Variants in TEX2 observed in about 807,000 individuals in gnomAD.
TEX2 encodes the protein testis-expressed protein 2.
TEX2 carries 53 observed loss-of-function variants against 106.9 expected under a neutral mutation model. The ratio of observed to expected loss-of-function variants is 0.50; its 90% CI spans 0.40 to 0.62. The LOEUF (loss-of-function observed/expected upper bound fraction) is 0.62. TEX2 is among the 20% of genes least tolerant of loss of function. The pLI, the probability that TEX2 is intolerant of heterozygous loss-of-function variation, is 0.00. For missense variants in TEX2, 1,207 were observed against 1,379.0 expected (o/e 0.88, Z 1.98); for synonymous variants, 523 against 534.8 (o/e 0.98, Z 0.30).
Position 64,174,067 on chromosome 17 carries a change from A to C in TEX2, c.2572-2868T>G, listed in dbSNP as rs183741916. Among the ~76,000 whole-genome samples, 14 of 152,044 alleles carry C rather than the reference A, an allele frequency of 9.2e-5. No homozygotes were observed. In the South Asian group the frequency reaches 2.5e-3, roughly 27 times the overall value. ...TTACTATGTTGCCTAGTCTGGTCTC[A>C]AACTACTGGGCTCAAGATTTCCTCC... is the stretch of plus-strand genomic sequence containing the variant. On this transcript the variant is annotated intron_variant, in intron 6 of 11. Coordinates refer to ENST00000584379, the MANE Select transcript of TEX2 (RefSeq NM_001288732.2).
intron 1 of TEX2, among the ~76,000 whole-genome samples, chr17:64,244,720 A>G (rs894704931): frequency 7.9e-5 from 12 of 152,224 alleles, no homozygotes; most frequent in Non-Finnish European, 1.2e-4. Flanking sequence ...TCCTGTAAGA[A>G]TAACACGTAC....
chr17:64,159,356 G>C (rs2030779765), intron 8 of TEX2, among the ~76,000 whole-genome samples: 1 of 152,068 alleles, frequency 6.6e-6, no homozygotes, highest in South Asian at 2.1e-4. Context: ...TCATTTTCTA[G>C]GCAGCTGGTT....
chr17:64,214,528 A>T (rs1555632370), intron 1 of TEX2, among the ~76,000 whole-genome samples: 1 of 152,170 alleles, frequency 6.6e-6, no homozygotes, highest in African/African-American at 2.4e-5. Flanking sequence ...TTAACTGGTT[A>T]ATTTCTACCA....
At chr17:64,226,747 AACC>A (rs2033515270) in intron 1 of TEX2, among the ~76,000 whole-genome samples, 1 of 152,224 alleles carries the variant, frequency 6.6e-6, no homozygotes, top group Non-Finnish European at 1.5e-5. Context: ...CAATGAGACA[AACC>A]CTCTCTTGCA....
intron 6 of TEX2, among the ~76,000 whole-genome samples, chr17:64,171,537 G>A (rs1246461767): frequency 6.6e-6 from 1 of 152,110 alleles, no homozygotes; most frequent in Non-Finnish European, 1.5e-5. Context: ...TTTTGGCTGA[G>A]GAGGTCAGGG....
At chr17:64,198,269 C>A (rs2032542673) in intron 2 of TEX2, among the ~76,000 whole-genome samples, 1 of 151,564 alleles carries the variant, frequency 6.6e-6, no homozygotes, top group South Asian at 2.1e-4. Context: ...ACACAGCTTT[C>A]TTCTTATTCA....
At position 64,148,167 on chromosome 17, in the gene TEX2, T is replaced by C. The variant is rs1053797037; in HGVS notation, c.*802A>G. The C allele has an allele frequency of 6.5e-6, 1 of 152,690 alleles. No homozygotes were observed. The highest frequency in any genetic ancestry group is 6.5e-5 in the Admixed American group (1 of 15,286). 9.5% of individuals were successfully genotyped at this position (152,690 alleles called of 1,614,324 possible). ...AAACGCCAGATGGAAAAACTGGCTC[T>C]GGCTTTCTAACCCCATCCCATCTGT... On this transcript the variant is annotated 3_prime_UTR_variant, in exon 12 of 12. Transcript: ENST00000584379.
At chr17:64,252,470 A>C (rs2034110564) in intron 1 of TEX2, among the ~76,000 whole-genome samples, 1 of 152,022 alleles carries the variant, frequency 6.6e-6, no homozygotes. Flanking sequence ...CACCATGCCT[A>C]ATTTTTAAAT....
At chr17:64,214,647 G>A (rs2033132415) in intron 1 of TEX2, among the ~76,000 whole-genome samples, 1 of 152,162 alleles carries the variant, frequency 6.6e-6, no homozygotes, top group African/African-American at 2.4e-5. Context: ...TGAGGATCTT[G>A]GAACAAAAAT....
chr17:64,230,569 T>C lies in TEX2; in HGVS notation c.-25-16327A>G, dbSNP rs189275104. Reference sequence around the variant, plus strand: ...GATGAGATGATTGGGATTCAGACAATTGTTCAGTTAGTAGTAAATCAGTCA... The same window carrying C: ...GATGAGATGATTGGGATTCAGACAACTGTTCAGTTAGTAGTAAATCAGTCA... On this transcript the variant is annotated intron_variant, in intron 1 of 11. Transcript: ENST00000584379. The C allele has an allele frequency of 1.1e-4, 16 of 152,292 alleles. No individual in the cohort carries two copies. The East Asian group carries it at 3.1e-3, about 29-fold the overall frequency. 9.4% of individuals were successfully genotyped at this position (152,292 alleles called of 1,614,324 possible).
At chr17:64,193,463 G>GCTTCGTTC in intron 4 of TEX2, 96 bp downstream of exon 4, 6 of 993,984 alleles carry the variant, frequency 6.0e-6, no homozygotes, top group Non-Finnish European at 8.5e-6. Context: ...TTCAGGGTGG[G>GCTTCGTTC]CTTCCTTCCT....
At chr17:64,168,337 C>T (rs1191409374) in intron 7 of TEX2, among the ~76,000 whole-genome samples, 1 of 152,196 alleles carries the variant, frequency 6.6e-6, no homozygotes, top group Non-Finnish European at 1.5e-5. Context: ...ACCCCACTGG[C>T]TTTATGTCTT....
chr17:64,168,080 G>GA (rs2031222311), intron 7 of TEX2, among the ~76,000 whole-genome samples: 1 of 152,150 alleles, frequency 6.6e-6, no homozygotes, highest in Non-Finnish European at 1.5e-5. Flanking sequence ...GATCCCATAG[G>GA]AGGTGGCGCT....
chr17:64,184,227 C>T (rs1413423327), intron 5 of TEX2, among the ~76,000 whole-genome samples: 3 of 152,060 alleles, frequency 2.0e-5, no homozygotes, highest in African/African-American at 7.3e-5. Context: ...TTCTGAGTAG[C>T]TGGGACTGCA....
intron 2 of TEX2, among the ~76,000 whole-genome samples, chr17:64,202,076 AAAAG>A (rs2032682564): frequency 6.9e-6 from 1 of 145,104 alleles, no homozygotes; most frequent in East Asian, 2.1e-4. Flanking sequence ...ACTCTTCTAA[AAAAG>A]AAAAACCAAG....
intron 2 of TEX2, among the ~76,000 whole-genome samples, chr17:64,210,831 A>G (rs765840383): frequency 3.3e-5 from 5 of 151,996 alleles, no homozygotes; most frequent in Non-Finnish European, 7.4e-5. Context: ...TCTCCTTTTC[A>G]TACATCTCCT....
chr17:64,225,023 A>C (rs1448087694), intron 1 of TEX2, among the ~76,000 whole-genome samples: 1 of 152,172 alleles, frequency 6.6e-6, no homozygotes, highest in Non-Finnish European at 1.5e-5. Flanking sequence ...GAAACCCTAG[A>C]ATAAGTAATG....
intron 1 of TEX2, among the ~76,000 whole-genome samples, chr17:64,222,928 T>C (rs534900014): frequency 6.6e-6 from 1 of 152,336 alleles, no homozygotes; most frequent in East Asian, 1.9e-4. Flanking sequence ...CAAACTCTTC[T>C]GCTGATGGGT....
intron 1 of TEX2, among the ~76,000 whole-genome samples, chr17:64,216,044 C>T (rs1409319602): frequency 3.4e-4 from 51 of 152,208 alleles, no homozygotes; most frequent in East Asian, 1.9e-4. Context: ...GAGAAGTTAC[C>T]GTAAAAACTT....
Sources: gnomAD v4.1 joint callset for allele counts (sites outside exome capture counted in the v4.1 genomes callset) on GRCh38, gnomAD v4.1.1 for gene constraint, MANE v1.5 for transcripts, NCBI Gene and HGNC (gene_info 2026-07-23, HGNC 2026-07-21) for gene names.